EBF1: variants seen among roughly 807,000 people sequenced by gnomAD.
The protein encoded by EBF1 is EBF transcription factor 1.
A neutral mutation model predicts 68.4 loss-of-function variants in EBF1; 10 were observed. The ratio of observed to expected loss-of-function variants is 0.15; its 90% CI spans 0.09 to 0.25. The LOEUF (loss-of-function observed/expected upper bound fraction) is 0.25, where lower values mean the gene tolerates loss of function less well. Among genes scored for constraint, EBF1 ranks in the 10% least tolerant of loss-of-function variants. The pLI, the probability that EBF1 is intolerant of heterozygous loss-of-function variation, is 1.00. For missense variants in EBF1, 509 were observed against 794.4 expected, an observed-to-expected ratio of 0.64 and a Z score of 4.32; for synonymous variants, 298 against 299.8, an observed-to-expected ratio of 0.99 and a Z score of 0.06.
rs1323141617 is a variant in EBF1, at chr5:158,697,266, GCTA to G, written c.*1842_*1844del. 3.4e-5 allele frequency: 6 copies of G among 174,984 alleles called. No individual in the cohort carries two copies. Among genetic ancestry groups the G allele is most frequent in the Middle Eastern group, 1.8e-3 (1 of 550 alleles). 10.8% of individuals were successfully genotyped at this position (174,984 alleles called of 1,614,324 possible). On this transcript the variant is annotated 3_prime_UTR_variant, in exon 16 of 16. Transcript: ENST00000313708. ...GAACTAAATACTACAAGAATAATAT[GCTA>G]CTATTTTTTTTTTTTTGCCATATAT... is the stretch of plus-strand genomic sequence containing the variant.
intron 6 of EBF1, among the ~76,000 whole-genome samples, chr5:158,931,276 A>T (rs891577699): frequency 4.6e-5 from 7 of 152,250 alleles, no homozygotes; most frequent in African/African-American, 1.7e-4. Flanking sequence ...AGTAAGCTCA[A>T]CATACTCCAC....
intron 6 of EBF1, among the ~76,000 whole-genome samples, chr5:158,972,146 G>A (rs1441161398): frequency 6.6e-6 from 1 of 152,124 alleles, no homozygotes; most frequent in East Asian, 1.9e-4. Flanking sequence ...ACCTTTGTGG[G>A]AAGGTGCTCA....
At chr5:158,798,298 C>T (rs1269364641) in intron 8 of EBF1, among the ~76,000 whole-genome samples, 2 of 152,194 alleles carry the variant, frequency 1.3e-5, no homozygotes, top group East Asian at 1.9e-4. Flanking sequence ...CTGAGTCAAA[C>T]TGTGGAATCC....
At chr5:159,095,533 G>T in intron 4 of EBF1, 87 bp downstream of exon 4, 2 of 1,492,696 alleles carry the variant, frequency 1.3e-6, no homozygotes, top group Non-Finnish European at 1.9e-6. Flanking sequence ...TAGAGTCCCA[G>T]CCCACCTGCG....
At chr5:158,747,430 G>T (rs2127583498) in intron 10 of EBF1, among the ~76,000 whole-genome samples, 1 of 152,286 alleles carries the variant, frequency 6.6e-6, no homozygotes, top group Middle Eastern at 3.4e-3. Context: ...TGATTGAATT[G>T]CACCTATGGA....
At chr5:159,004,277 C>CAAA (rs34981790) in intron 6 of EBF1, among the ~76,000 whole-genome samples, 3 of 120,624 alleles carry the variant, frequency 2.5e-5, no homozygotes, top group African/African-American at 3.3e-5. Flanking sequence ...ACTCCATCTC[C>CAAA]AAAAAAAAAA....
intron 10 of EBF1, among the ~76,000 whole-genome samples, chr5:158,757,392 G>A (rs1366188678): frequency 6.6e-6 from 1 of 152,156 alleles, no homozygotes; most frequent in Non-Finnish European, 1.5e-5. Flanking sequence ...ACTGAGGAAA[G>A]TATGGAACAA....
chr5:158,754,668 A>C (rs942965836), intron 10 of EBF1, among the ~76,000 whole-genome samples: 1 of 152,088 alleles, frequency 6.6e-6, no homozygotes, highest in Non-Finnish European at 1.5e-5. Context: ...CAAATCTATG[A>C]TATCAGATTG....
intron 6 of EBF1, among the ~76,000 whole-genome samples, chr5:158,893,541 C>T (rs1270824829): frequency 2.0e-5 from 3 of 152,196 alleles, no homozygotes; most frequent in Admixed American, 6.5e-5. Flanking sequence ...CCCCCCAAAA[C>T]ACAGGGGAAA....
intron 6 of EBF1, among the ~76,000 whole-genome samples, chr5:158,934,529 T>C (rs1365454174): frequency 6.6e-6 from 1 of 152,218 alleles, no homozygotes; most frequent in Non-Finnish European, 1.5e-5. Flanking sequence ...TCAAAGGTTT[T>C]TCGTAGTTCA....
At chr5:159,073,258 G>T in intron 6 of EBF1, 138 bp downstream of exon 6, 1 of 792,146 alleles carries the variant, frequency 1.3e-6, no homozygotes. Flanking sequence ...AATCAAAATC[G>T]CTCAGCACAG....
At chr5:159,019,388 A>C (rs1766237317) in intron 6 of EBF1, among the ~76,000 whole-genome samples, 1 of 152,220 alleles carries the variant, frequency 6.6e-6, no homozygotes, top group African/African-American at 2.4e-5. Context: ...ATAATATCCT[A>C]GACTTTCTGT....
intron 7 of EBF1, among the ~76,000 whole-genome samples, chr5:158,835,599 G>A (rs1788587396): frequency 6.6e-6 from 1 of 152,082 alleles, no homozygotes. Flanking sequence ...CATATTTGTG[G>A]GGGGTCATTA....
intron 6 of EBF1, among the ~76,000 whole-genome samples, chr5:158,939,663 A>G (rs892105094): frequency 2.0e-5 from 3 of 147,018 alleles, no homozygotes; most frequent in Non-Finnish European, 3.0e-5. Flanking sequence ...CTGCACTACA[A>G]TTGTAGGAAA....
At chr5:159,083,948 T>C (rs935258687) in intron 5 of EBF1, among the ~76,000 whole-genome samples, 5 of 152,384 alleles carry the variant, frequency 3.3e-5, no homozygotes, top group Admixed American at 3.3e-4. Context: ...AAAGCCTGGC[T>C]GAGGCCATGG....
chr5:158,962,411 A>C (rs1018229811), intron 6 of EBF1, among the ~76,000 whole-genome samples: 3 of 152,138 alleles, frequency 2.0e-5, no homozygotes, highest in Non-Finnish European at 2.9e-5. Flanking sequence ...CAAGGCAACA[A>C]CACCACAATG....
chr5:158,893,777 G>A (rs1293583457), intron 6 of EBF1, among the ~76,000 whole-genome samples: 1 of 152,150 alleles, frequency 6.6e-6, no homozygotes, highest in African/African-American at 2.4e-5. Context: ...GAGACTTTAA[G>A]TTACTCTGCA....
intron 6 of EBF1, among the ~76,000 whole-genome samples, chr5:159,010,665 G>T (rs749808231): frequency 6.6e-6 from 1 of 152,222 alleles, no homozygotes; most frequent in Non-Finnish European, 1.5e-5. Context: ...CTACATTCAA[G>T]ATGGCACCAT....
chr5:158,841,664 T>C (rs1790361791), intron 6 of EBF1, among the ~76,000 whole-genome samples: 1 of 152,188 alleles, frequency 6.6e-6, no homozygotes, highest in Non-Finnish European at 1.5e-5. Context: ...CATGTAACAC[T>C]GGGATCCTCT....
Sources: gnomAD v4.1 joint callset for allele counts (sites outside exome capture counted in the v4.1 genomes callset) on GRCh38, gnomAD v4.1.1 for gene constraint, MANE v1.5 for transcripts, NCBI Gene and HGNC (gene_info 2026-07-23, HGNC 2026-07-21) for gene names.